LMLN: variants seen among roughly 807,000 people sequenced by gnomAD.
LMLN encodes the protein leishmanolysin like peptidase, also known as leishmanolysin-like peptidase.
Under a neutral mutation model 92.3 loss-of-function variants are expected in LMLN, and 70 were observed. The observed-to-expected ratio is 0.76, with a 90% CI of 0.63 to 0.92. The LOEUF (loss-of-function observed/expected upper bound fraction) is 0.92, where lower values mean the gene tolerates loss of function less well. Ranked by LOEUF, LMLN falls within the 40% of genes least tolerant of loss-of-function variation. LMLN has a pLI of 0.00. For synonymous variants in LMLN, 308 were observed against 296.2 expected (o/e 1.04, Z -0.41); for missense variants, 691 against 814.6 (o/e 0.85, Z 1.85).
At chr3:197,982,548 A>C (rs1198770090) in intron 6 of LMLN, among the ~76,000 whole-genome samples, 3 of 152,164 alleles carry the variant, frequency 2.0e-5, no homozygotes, top group Non-Finnish European at 4.4e-5. Flanking sequence ...TTTTCAAGGA[A>C]GTGAAACCTT....
At chr3:197,982,015 A>G (rs1721570466) in intron 6 of LMLN, among the ~76,000 whole-genome samples, 1 of 152,096 alleles carries the variant, frequency 6.6e-6, no homozygotes, top group Admixed American at 6.5e-5. Context: ...TATGTTGGCC[A>G]GGCTGGTCTT....
At chr3:198,038,034 T>C (rs187950816) in intron 15 of LMLN, among the ~76,000 whole-genome samples, 1 of 147,936 alleles carries the variant, frequency 6.8e-6, no homozygotes, top group Non-Finnish European at 1.5e-5. Context: ...CCTCACAGTC[T>C]GTCTGCCTGT....
intron 6 of LMLN, 96 bp downstream of exon 6, chr3:197,980,600 T>A: frequency 1.7e-6 from 2 of 1,202,260 alleles, no homozygotes; most frequent in Non-Finnish European, 2.4e-6. Flanking sequence ...AATCTTGCAT[T>A]TGCCAGATTG....
chr3:198,034,149 T>C (rs1247135969), intron 14 of LMLN, among the ~76,000 whole-genome samples: 1 of 152,196 alleles, frequency 6.6e-6, no homozygotes, highest in Non-Finnish European at 1.5e-5. Context: ...TTCCAAAAAT[T>C]ATATCTACTT....
chr3:198,020,766 G>GTTTTT (rs1260852398), intron 12 of LMLN, among the ~76,000 whole-genome samples: 3 of 25,644 alleles, frequency 1.2e-4, no homozygotes, highest in South Asian at 1.1e-3. Flanking sequence ...GCTAATTTTT[G>GTTTTT]TATTTTTTTT....
intron 11 of LMLN, among the ~76,000 whole-genome samples, chr3:198,016,566 G>A (rs1460874284): frequency 6.6e-6 from 1 of 152,214 alleles, no homozygotes; most frequent in Non-Finnish European, 1.5e-5. Context: ...ATGTGTAATG[G>A]AGTTTGGGAA....
At chr3:198,013,432 C>T (rs561937852) in intron 11 of LMLN, among the ~76,000 whole-genome samples, 9 of 128,158 alleles carry the variant, frequency 7.0e-5, no homozygotes, top group African/African-American at 1.7e-4. Flanking sequence ...CTCCACCCTT[C>T]AGAGCCCCCT....
intron 5 of LMLN, among the ~76,000 whole-genome samples, chr3:197,978,080 CA>C (rs1721453103): frequency 2.0e-5 from 3 of 151,286 alleles, no homozygotes; most frequent in Non-Finnish European, 4.4e-5. Flanking sequence ...AATTATCAAA[CA>C]ATCTGGAAGC....
At chr3:197,993,312 G>T (rs900288818) in intron 9 of LMLN, among the ~76,000 whole-genome samples, 7 of 152,158 alleles carry the variant, frequency 4.6e-5, no homozygotes, top group African/African-American at 1.7e-4. Context: ...AGGACCAGAA[G>T]AAGTGAGATA....
intron 6 of LMLN, among the ~76,000 whole-genome samples, chr3:197,982,223 C>CTTT (rs1241377836): frequency 2.7e-4 from 32 of 116,530 alleles, no homozygotes; most frequent in African/African-American, 5.3e-4. Context: ...CAGTTACCTT[C>CTTT]TTTTTTTTTT....
chr3:198,033,626 T>G (rs1421459167), intron 14 of LMLN, among the ~76,000 whole-genome samples: 10 of 152,172 alleles, frequency 6.6e-5, no homozygotes, highest in Non-Finnish European at 8.8e-5. Flanking sequence ...GGTCTCGAAC[T>G]CCTGACCTCA....
exon 16 of LMLN, chr3:198,040,512 A>C (rs1176596855): frequency 6.6e-6 from 1 of 151,582 alleles, no homozygotes; most frequent in Admixed American, 6.6e-5. Flanking sequence ...TTCTAACCAC[A>C]ACCCTCGGAC....
chr3:197,985,275 C>T (rs1721672654), intron 7 of LMLN, among the ~76,000 whole-genome samples: 2 of 151,522 alleles, frequency 1.3e-5, no homozygotes, highest in Non-Finnish European at 2.9e-5. Context: ...GAAGAAGGGC[C>T]GGGCGCGGTG....
intron 14 of LMLN, among the ~76,000 whole-genome samples, chr3:198,026,988 G>T (rs73891805): frequency 6.6e-6 from 1 of 151,418 alleles, no homozygotes; most frequent in African/African-American, 2.4e-5. Context: ...CTGTGAGTGC[G>T]TGTGTGTGTG....
At chr3:198,032,009 T>G (rs1181881549) in intron 14 of LMLN, among the ~76,000 whole-genome samples, 1 of 150,364 alleles carries the variant, frequency 6.7e-6, no homozygotes, top group Admixed American at 6.7e-5. Flanking sequence ...GGCTGAGGCA[T>G]GAGAATCACT....
intron 5 of LMLN, among the ~76,000 whole-genome samples, 182 bp downstream of exon 5, chr3:197,976,897 C>CT (rs1350879403): frequency 1.3e-5 from 2 of 152,194 alleles, no homozygotes; most frequent in Non-Finnish European, 2.9e-5. Flanking sequence ...ATGGTATTTT[C>CT]TTTCTTCACT....
At position 198,042,269 on chromosome 3, in the gene LMLN, T is replaced by G. The variant is rs1474047298; in HGVS notation, c.*3602T>G. On this transcript the variant is annotated 3_prime_UTR_variant, in exon 16 of 16. Transcript: ENST00000330198. The surrounding 1 kb of genome is among the most constrained non-coding windows in gnomAD (Gnocchi z 4.2). ...AGTGGTGGGCGCGGTGACTGAAGCC[T>G]GTAATCTCAGCACTTCGGGAGGCCA... 2 of 152,004 alleles carry G rather than the reference T, an allele frequency of 1.3e-5. No individual in the cohort carries two copies. The highest frequency in any genetic ancestry group is 3.9e-4 in the East Asian group (2 of 5,190). The allele number at this position is 152,004 out of a possible 1,614,324, so 9.4% of individuals were successfully genotyped here. A position where few individuals can be genotyped will look rare whatever the true frequency, so the allele number is the denominator to read the frequency against.
intron 11 of LMLN, among the ~76,000 whole-genome samples, chr3:198,005,882 C>T (rs867465516): frequency 3.9e-5 from 6 of 152,078 alleles, no homozygotes; most frequent in Admixed American, 6.5e-5. Context: ...TTTGGGAGGC[C>T]GAGGCGGGTG....
rs551899705 is a variant in LMLN, at chr3:198,014,324, G to A, written c.1233-4929G>A. ...GTCTGACTTCTCTCCACCCTTCAGA[G>A]CCCCCTAACTAGTCTGACTTCTCTC... On this transcript the variant is annotated intron_variant, in intron 11 of 15. Coordinates refer to ENST00000330198, the Ensembl canonical transcript of LMLN. 3.3e-4 allele frequency among the ~76,000 whole-genome samples: 37 copies of A among 111,930 alleles called. No individual in the cohort carries two copies. In the South Asian group the frequency reaches 5.2e-3, roughly 16 times the overall value. 73.4% of individuals were successfully genotyped at this position (111,930 alleles called of 152,430 possible). A position where few individuals can be genotyped will look rare whatever the true frequency, so the allele number is the denominator to read the frequency against.
Sources: allele counts gnomAD v4.1 joint callset (sites outside exome capture counted in the v4.1 genomes callset), GRCh38; gene constraint gnomAD v4.1.1; non-coding constraint Gnocchi (gnomAD v3.1); transcripts MANE v1.5; gene names NCBI Gene and HGNC (gene_info 2026-07-23, HGNC 2026-07-21).